The following LDB3 variants were observed in gnomAD, a reference collection of about 807,000 sequenced individuals.
LDB3 encodes the protein LIM domain-binding protein 3.
A neutral mutation model predicts 69.0 loss-of-function variants in LDB3; 49 were observed. The ratio of observed to expected loss-of-function variants is 0.71; its 90% CI spans 0.56 to 0.90. The LOEUF is 0.90. LDB3 is among the 40% of genes least tolerant of loss of function. The pLI, the probability that LDB3 is intolerant of heterozygous loss-of-function variation, is 0.00. For missense variants in LDB3, 928 were observed against 974.1 expected, an observed-to-expected ratio of 0.95 and a Z score of 0.63; for synonymous variants, 387 against 396.2, an observed-to-expected ratio of 0.98 and a Z score of 0.28.
intron 2 of LDB3, among the ~76,000 whole-genome samples, chr10:86,670,271 C>G (rs1844390925): frequency 6.6e-6 from 1 of 152,170 alleles, no homozygotes; most frequent in Non-Finnish European, 1.5e-5. Flanking sequence ...TGGGCACCCA[C>G]AGCCTTGCAC....
chr10:86,725,024 C>T (rs768273483), intron 12 of LDB3, among the ~76,000 whole-genome samples: 8 of 152,142 alleles, frequency 5.3e-5, no homozygotes, highest in East Asian at 1.9e-4. Flanking sequence ...CTCAGTAAGA[C>T]GTGGTCTAAG....
chr10:86,673,959 G>A (rs1051602258), intron 2 of LDB3, among the ~76,000 whole-genome samples: 2 of 152,152 alleles, frequency 1.3e-5, no homozygotes, highest in Non-Finnish European at 2.9e-5. Context: ...CCTCACTGGT[G>A]CCTTCTTTCC....
At chr10:86,685,116 T>A (rs1452451332) in intron 5 of LDB3, among the ~76,000 whole-genome samples, 2 of 152,148 alleles carry the variant, frequency 1.3e-5, no homozygotes, top group Non-Finnish European at 2.9e-5. Flanking sequence ...TGCCTGCGTC[T>A]CTTCTGGGAG....
At chr10:86,728,586 G>GTT (rs201899694) in intron 13 of LDB3, among the ~76,000 whole-genome samples, 17 of 131,438 alleles carry the variant, frequency 1.3e-4, no homozygotes, top group African/African-American at 2.0e-4. Flanking sequence ...TGGTTCTTTT[G>GTT]TTTTTTTTTT....
intron 5 of LDB3, chr10:86,687,021 C>T (rs1311315709): frequency 1.9e-6 from 3 of 1,582,198 alleles, no homozygotes; most frequent in Non-Finnish European, 8.7e-7. Flanking sequence ...CACCTGTTGC[C>T]CTTTTCTCCT....
At position 86,732,992 on chromosome 10, in the gene LDB3, T is replaced by C. The variant is rs1564666438; in HGVS notation, c.*16T>C. The C allele has an allele frequency of 3.8e-6, 6 of 1,597,978 alleles. No homozygotes were observed. The South Asian group carries it at 6.7e-5, about 18-fold the overall frequency. ...CAACTTGTAGGCGGCCAAGGCCGCC[T>C]GTGCTGACGAGGCCCGGAGCTGCTC... On this transcript the variant is annotated 3_prime_UTR_variant, in exon 14 of 14. Transcript: ENST00000361373.
intron 8 of LDB3, among the ~76,000 whole-genome samples, chr10:86,709,206 G>C (rs1379678930): frequency 6.6e-6 from 1 of 152,202 alleles, no homozygotes; most frequent in Non-Finnish European, 1.5e-5. Flanking sequence ...TGGGAGGAGA[G>C]GCCACGACGC....
Position 86,733,238 on chromosome 10 carries a change from A to G in LDB3, c.*262A>G, listed in dbSNP as rs1847536969. 2.3e-6 allele frequency: 1 copy of G among 440,488 alleles called. No individual in the cohort carries two copies. Among genetic ancestry groups the G allele is most frequent in the South Asian group, 2.1e-5 (1 of 46,774 alleles). 27.3% of individuals were successfully genotyped at this position (440,488 alleles called of 1,614,324 possible). A position where few individuals can be genotyped will look rare whatever the true frequency, so the allele number is the denominator to read the frequency against. ...TTGTACTTCAGACATTTAGAGCAGAATTCCAAGAACTCAAAAGTGAAAAGC... is the reference window on the plus strand; with the variant it reads ...TTGTACTTCAGACATTTAGAGCAGAGTTCCAAGAACTCAAAAGTGAAAAGC... On this transcript the variant is annotated 3_prime_UTR_variant, in exon 14 of 14. Coordinates refer to ENST00000361373, the MANE Select transcript of LDB3 (RefSeq NM_007078.3).
chr10:86,689,967 C>A (rs951177828), intron 5 of LDB3, among the ~76,000 whole-genome samples: 2 of 152,218 alleles, frequency 1.3e-5, no homozygotes, highest in East Asian at 1.9e-4. Flanking sequence ...AAAGGCACAG[C>A]AGTTTCCTTA....
intron 13 of LDB3, 69 bp from the exon 14 acceptor site, chr10:86,732,818 A>G: frequency 7.4e-7 from 1 of 1,346,368 alleles, no homozygotes; most frequent in Non-Finnish European, 1.1e-6. Context: ...CGTTTTCTTA[A>G]AAAAGTGATT....
intron 2 of LDB3, among the ~76,000 whole-genome samples, chr10:86,675,013 G>A (rs1310469829): frequency 6.6e-6 from 1 of 152,182 alleles, no homozygotes; most frequent in African/African-American, 2.4e-5. Flanking sequence ...CCTGAGGGAT[G>A]TTGGACCCTA....
intron 13 of LDB3, among the ~76,000 whole-genome samples, chr10:86,728,206 G>T (rs146710368): frequency 6.6e-6 from 1 of 152,292 alleles, no homozygotes; most frequent in Non-Finnish European, 1.5e-5. Flanking sequence ...CTTCTGGAAG[G>T]ATCCAAGAGA....
chr10:86,719,978 C>A (rs1847018215), intron 12 of LDB3, among the ~76,000 whole-genome samples: 1 of 152,088 alleles, frequency 6.6e-6, no homozygotes, highest in African/African-American at 2.4e-5. Flanking sequence ...AGCAGGCATG[C>A]TGATTATGAA....
chr10:86,710,866 C>T (rs964498918), intron 9 of LDB3, among the ~76,000 whole-genome samples: 5 of 152,230 alleles, frequency 3.3e-5, no homozygotes, highest in Non-Finnish European at 5.9e-5. Flanking sequence ...CTGCTCTGCT[C>T]TCGAAGGCAA....
Position 86,718,768 on chromosome 10 carries a change from C to T in LDB3, c.1899C>T (p.Cys633=). Residue 633 remains cysteine (C), a synonymous_variant, in exon 12 of 14, where the codon TGC becomes TGT. Coordinates refer to ENST00000361373, the MANE Select transcript of LDB3 (RefSeq NM_007078.3). ...HALRQTWHTT[C]FVCAACKKPF... The stretch of plus-strand genomic sequence containing the variant: ...TGAGACAGACATGGCACACCACCTG[C>T]TTCGTCTGTGCGGCCTGCAAGAAGC... 1 of 1,614,166 alleles carries T rather than the reference C, an allele frequency of 6.2e-7. No individual in the cohort carries two copies. The highest frequency in any genetic ancestry group is 8.5e-7 in the Non-Finnish European group (1 of 1,180,018).
intron 7 of LDB3, among the ~76,000 whole-genome samples, chr10:86,697,215 C>CTTTTTTTTTTTTT (rs34215720): frequency 1.3e-5 from 1 of 77,782 alleles, no homozygotes; most frequent in Non-Finnish European, 2.3e-5. Flanking sequence ...TAGCAATTCA[C>CTTTTTTTTTTTTT]TTTTTTTTTT....
At chr10:86,697,215 CTTTTTTT>C (rs34215720) in intron 7 of LDB3, among the ~76,000 whole-genome samples, 10 of 77,782 alleles carry the variant, frequency 1.3e-4, no homozygotes, top group African/African-American at 3.1e-4. Flanking sequence ...TAGCAATTCA[CTTTTTTT>C]TTTTTTTTTT....
chr10:86,716,123 C>T (rs528431733), intron 9 of LDB3, among the ~76,000 whole-genome samples: 2 of 152,260 alleles, frequency 1.3e-5, no homozygotes, highest in East Asian at 3.9e-4. Flanking sequence ...TTCTGCTGTG[C>T]TTGCTCCCTA....
chr10:86,728,581 C>CTTTTTTTTTTTTTT (rs1554868869), intron 13 of LDB3, among the ~76,000 whole-genome samples: 1 of 97,526 alleles, frequency 1.0e-5, no homozygotes, highest in Non-Finnish European at 2.2e-5. Flanking sequence ...GAACATGGTT[C>CTTTTTTTTTTTTTT]TTTTGTTTTT....
Sources: allele counts gnomAD v4.1 joint callset (sites outside exome capture counted in the v4.1 genomes callset), GRCh38; gene constraint gnomAD v4.1.1; transcripts MANE v1.5; gene names NCBI Gene and HGNC (gene_info 2026-07-23, HGNC 2026-07-21).